Variants in KIRREL3 observed in about 807,000 individuals in gnomAD.
The protein encoded by KIRREL3 is kin of IRRE-like protein 3.
In KIRREL3, 36 loss-of-function variants were observed where a neutral mutation model predicts 89.7. That is an observed-to-expected ratio of 0.40 (90% CI 0.31 to 0.53). The LOEUF (loss-of-function observed/expected upper bound fraction) is 0.53. Ranked by LOEUF, KIRREL3 falls within the 20% of genes least tolerant of loss-of-function variation. The pLI is 0.49. For missense variants in KIRREL3, 864 were observed against 1,056.6 expected, an observed-to-expected ratio of 0.82 and a Z score of 2.53; for synonymous variants, 445 against 441.4, an observed-to-expected ratio of 1.01 and a Z score of -0.10.
chr11:126,831,287 C>T (rs761237986), intron 1 of KIRREL3, among the ~76,000 whole-genome samples: 92 of 152,286 alleles, frequency 6.0e-4, no homozygotes, highest in Non-Finnish European at 1.1e-3. Context: ...TCCATGAGGA[C>T]GGTGATGGCC....
rs1026197836 is a variant in KIRREL3, at chr11:126,579,111, C to T, written c.56-16199G>A. 2.6e-5 allele frequency among the ~76,000 whole-genome samples: 4 copies of T among 151,986 alleles called. No homozygotes were observed. Among genetic ancestry groups the T allele is most frequent in the Admixed American group, 2.0e-4 (3 of 15,260 alleles). On this transcript the variant is annotated intron_variant, in intron 1 of 16. Coordinates refer to ENST00000525144, the MANE Select transcript of KIRREL3 (RefSeq NM_032531.4). This position sits in a 1 kb window ranked among gnomAD's most constrained non-coding sequence, Gnocchi z 5.3. ...CAAGAAAGGTCTTTGCACCAGAGCT[C>T]ACCAATGTCTCGGAGAGGTCCTCCC...
chr11:126,662,911 T>C (rs979578580), intron 1 of KIRREL3, among the ~76,000 whole-genome samples: 7 of 146,530 alleles, frequency 4.8e-5, no homozygotes, highest in Admixed American at 1.4e-4. Context: ...CCTTTCTTTT[T>C]TTTTTTTTTT....
At position 126,843,835 on chromosome 11, in the gene KIRREL3, C is replaced by A. The variant is rs1489871774; in HGVS notation, c.55+156620G>T. 6.6e-6 allele frequency among the ~76,000 whole-genome samples: 1 copy of A among 152,122 alleles called. No individual in the cohort carries two copies. Among genetic ancestry groups the A allele is most frequent in the Non-Finnish European group, 1.5e-5 (1 of 68,024 alleles). On this transcript the variant is annotated intron_variant, in intron 1 of 16. Coordinates refer to ENST00000525144, the MANE Select transcript of KIRREL3 (RefSeq NM_032531.4). This position sits in a 1 kb window ranked among gnomAD's most constrained non-coding sequence, Gnocchi z 4.6. ...GTCATCCTCACTGCTACACTCCCAC[C>A]CGTGCCATGACAGTTTACAAATGCC...
intron 1 of KIRREL3, among the ~76,000 whole-genome samples, chr11:126,863,689 G>A (rs1211842036): frequency 6.6e-6 from 1 of 152,180 alleles, no homozygotes; most frequent in Non-Finnish European, 1.5e-5. Flanking sequence ...GTGTGCGCCT[G>A]TGTGTAGCAG....
rs1948740648 is a variant in KIRREL3, at chr11:126,734,606, TG to T, written c.56-171695del. On this transcript the variant is annotated intron_variant, in intron 1 of 16. Transcript: ENST00000525144. The surrounding 1 kb of genome is among the most constrained non-coding windows in gnomAD (Gnocchi z 5.9). ...TGAACCTGGGAAGCGGAGGTTGCAG[TG>T]AGCCGAGATGTCATTGCACTCCAGC... 1.3e-5 allele frequency among the ~76,000 whole-genome samples: 2 copies of T among 151,722 alleles called. No individual in the cohort carries two copies. The highest frequency in any genetic ancestry group is 2.9e-5 in the Non-Finnish European group (2 of 67,964).
chr11:126,625,349 C>A (rs117119409), intron 1 of KIRREL3, among the ~76,000 whole-genome samples: 368 of 152,280 alleles, frequency 2.4e-3, no homozygotes, highest in Non-Finnish European at 4.5e-3. Context: ...TGGCCTGAAA[C>A]AAGCGACATT....
intron 1 of KIRREL3, among the ~76,000 whole-genome samples, chr11:126,711,654 C>CA (rs1461155414): frequency 6.6e-6 from 1 of 152,132 alleles, no homozygotes; most frequent in African/African-American, 2.4e-5. Flanking sequence ...TAAAATTAAA[C>CA]AAAAAAGACT....
chr11:126,445,764 C>T (rs886974487), intron 9 of KIRREL3, among the ~76,000 whole-genome samples: 19 of 152,200 alleles, frequency 1.2e-4, no homozygotes, highest in Admixed American at 3.9e-4. Context: ...TTCTGGTCCC[C>T]CTGCTTCCCT....
At chr11:126,693,378 G>A (rs1352110449) in intron 1 of KIRREL3, among the ~76,000 whole-genome samples, 9 of 152,210 alleles carry the variant, frequency 5.9e-5, no homozygotes, top group South Asian at 4.1e-4. Flanking sequence ...CTGAGATTGC[G>A]CCATTGTACT....
At chr11:126,502,466 G>A (rs1386309481) in intron 4 of KIRREL3, among the ~76,000 whole-genome samples, 2 of 152,228 alleles carry the variant, frequency 1.3e-5, no homozygotes, top group Non-Finnish European at 2.9e-5. Context: ...ATTCAATTAA[G>A]CCCTGGTTCA....
At chr11:126,956,545 T>G (rs1470901208) in intron 1 of KIRREL3, among the ~76,000 whole-genome samples, 1 of 152,140 alleles carries the variant, frequency 6.6e-6, no homozygotes, top group Non-Finnish European at 1.5e-5. Flanking sequence ...TTTAGAAATA[T>G]CCACAAGAAG....
At chr11:126,450,368 TGTGA>T (rs1458972193) in intron 7 of KIRREL3, among the ~76,000 whole-genome samples, 3 of 150,522 alleles carry the variant, frequency 2.0e-5, no homozygotes, top group Admixed American at 6.6e-5. Context: ...TGTGTGCATG[TGTGA>T]GTGTGCATGT....
chr11:126,863,171 T>C (rs1040979339), intron 1 of KIRREL3, among the ~76,000 whole-genome samples: 29 of 152,244 alleles, frequency 1.9e-4, no homozygotes, highest in African/African-American at 5.1e-4. Flanking sequence ...CGAAGGTGTT[T>C]CTGCAGCACC....
chr11:126,465,741 C>T (rs576119065), intron 5 of KIRREL3, among the ~76,000 whole-genome samples: 5 of 152,260 alleles, frequency 3.3e-5, no homozygotes, highest in South Asian at 4.1e-4. Context: ...TGCAGCAAGC[C>T]GGGGGCAGGA....
At chr11:126,964,761 G>C (rs1949213117) in intron 1 of KIRREL3, among the ~76,000 whole-genome samples, 1 of 152,126 alleles carries the variant, frequency 6.6e-6, no homozygotes, top group African/African-American at 2.4e-5. Context: ...TCAACACTGA[G>C]ATTTATTGAC....
chr11:126,847,427 C>A (rs997466966), intron 1 of KIRREL3, among the ~76,000 whole-genome samples: 2 of 152,038 alleles, frequency 1.3e-5, no homozygotes, highest in Non-Finnish European at 2.9e-5. Context: ...CAATTGTTGT[C>A]TTGTTTTAAT....
intron 4 of KIRREL3, among the ~76,000 whole-genome samples, chr11:126,511,922 G>GCAGCTC (rs1396150699): frequency 6.6e-6 from 1 of 152,214 alleles, no homozygotes; most frequent in Non-Finnish European, 1.5e-5. Context: ...CTGTGCAGCT[G>GCAGCTC]CAGCTCCCCT....
At chr11:126,853,178 T>G (rs1944397182) in intron 1 of KIRREL3, among the ~76,000 whole-genome samples, 1 of 152,210 alleles carries the variant, frequency 6.6e-6, no homozygotes, top group Non-Finnish European at 1.5e-5. Context: ...TAAATCGCTG[T>G]GTGTGTTTTT....
rs369007123 is a variant in KIRREL3 at position 126,667,389 on chromosome 11, G to T, written c.56-104477C>A. 8.5e-5 allele frequency among the ~76,000 whole-genome samples: 13 copies of T among 152,364 alleles called. No individual in the cohort carries two copies. The East Asian group carries it at 1.5e-3, about 18-fold the overall frequency. ...CAACAATAATGTGGATTTAGAATGA[G>T]CCGGGCTGTTTGCACATAGGTGTAG... On this transcript the variant is annotated intron_variant, in intron 1 of 16. Transcript: ENST00000525144.
Sources: allele counts gnomAD v4.1 joint callset (sites outside exome capture counted in the v4.1 genomes callset), GRCh38; gene constraint gnomAD v4.1.1; non-coding constraint Gnocchi (gnomAD v3.1); transcripts MANE v1.5; gene names NCBI Gene and HGNC (gene_info 2026-07-23, HGNC 2026-07-21).